Variants in POLR2F observed in about 807,000 individuals in gnomAD.
POLR2F encodes the protein DNA-directed RNA polymerases I, II, and III subunit RPABC2.
POLR2F carries 12 observed loss-of-function variants against 22.7 expected under a neutral mutation model. The observed-to-expected ratio is 0.53, with a 90% confidence interval of 0.34 to 0.86. The LOEUF (loss-of-function observed/expected upper bound fraction) is 0.86, where lower values mean the gene tolerates loss of function less well. Among genes scored for constraint, POLR2F ranks in the 40% least tolerant of loss-of-function variants. POLR2F has a pLI of 0.02. For synonymous variants in POLR2F, 57 were observed against 66.0 expected (o/e 0.86, Z 0.66); for missense variants, 126 against 171.5 (o/e 0.73, Z 1.48).
downstream of POLR2F, chr22:38,041,237 C>T (rs2085169434): frequency 1.4e-6 from 2 of 1,383,970 alleles, no homozygotes; most frequent in Non-Finnish European, 9.9e-7. Context: ...ACTGATGGAC[C>T]AGATGGCGGG....
At chr22:37,956,151 G>T (rs192810359) in intron 1 of POLR2F, among the ~76,000 whole-genome samples, 3 of 151,814 alleles carry the variant, frequency 2.0e-5, no homozygotes, top group African/African-American at 7.3e-5. Flanking sequence ...GTGCAATGGC[G>T]TGATCTCAGC....
chr22:37,983,902 G>T, upstream of POLR2F: 1 of 889,400 alleles, frequency 1.1e-6, no homozygotes, highest in Non-Finnish European at 1.5e-6. This position sits in a 1 kb window ranked among gnomAD's most constrained non-coding sequence, Gnocchi z 9.5. Context: ...GAGCGGCCGC[G>T]CGCGCAGCCC....
At chr22:37,976,622 C>T (rs1212146207) in intron 4 of POLR2F, among the ~76,000 whole-genome samples, 1 of 152,142 alleles carries the variant, frequency 6.6e-6, no homozygotes, top group African/African-American at 2.4e-5. Flanking sequence ...AAGCAGATGC[C>T]CGGGAGCCAA....
At chr22:37,964,428 A>G (rs1057301106) in intron 3 of POLR2F, among the ~76,000 whole-genome samples, 3 of 152,150 alleles carry the variant, frequency 2.0e-5, no homozygotes, top group South Asian at 2.1e-4. Context: ...GGAGAAGATG[A>G]CACTGGTCCT....
intron 4 of POLR2F, among the ~76,000 whole-genome samples, chr22:37,977,070 A>C (rs1194967270): frequency 6.6e-6 from 1 of 151,270 alleles, no homozygotes; most frequent in African/African-American, 2.4e-5. Context: ...TGGGAGGCTG[A>C]GACAGGAGAA....
downstream of POLR2F, chr22:37,972,164 G>C (rs1476479451): frequency 1.4e-5 from 11 of 789,356 alleles, no homozygotes; most frequent in Non-Finnish European, 2.1e-5. Context: ...GAAGGGGGTG[G>C]GGAAAGAGGG....
chr22:38,020,206 T>C lies in POLR2F; in HGVS notation c.121-5663T>C, dbSNP rs377514183. Reference sequence around the variant, plus strand: ...TCTGCTAAATACACACACACATATATACACACACACACACACACACACACA... The same window carrying C: ...TCTGCTAAATACACACACACATATACACACACACACACACACACACACACA... On this transcript the variant is annotated intron_variant, in intron 1 of 2. Transcript: ENST00000333418. 7.5e-3 allele frequency among the ~76,000 whole-genome samples: 1,080 copies of C among 144,806 alleles called. 4 individuals carry two copies. Among genetic ancestry groups the C allele is most frequent in the East Asian group, 0.026 (127 of 4,888 alleles). 95.0% of individuals were successfully genotyped at this position (144,806 alleles called of 152,430 possible).
chr22:38,019,535 C>T (rs11912649), intron 1 of POLR2F, among the ~76,000 whole-genome samples: 83,410 of 152,026 alleles, frequency 0.55, 23,107 homozygotes, highest in East Asian at 0.74. Context: ...CCCCCAAGCA[C>T]GCCCTGAAAA....
At chr22:37,993,939 A>G (rs1374004125) in intron 1 of POLR2F, among the ~76,000 whole-genome samples, 1 of 152,228 alleles carries the variant, frequency 6.6e-6, no homozygotes, top group Non-Finnish European at 1.5e-5. Context: ...CAGTGAGCCG[A>G]GATCGCGCCA....
downstream of POLR2F, chr22:37,970,705 T>C (rs1205769471): frequency 1.3e-5 from 2 of 156,846 alleles, no homozygotes; most frequent in Non-Finnish European, 2.8e-5. Context: ...TTTCGACCTT[T>C]ATTAGTGACT....
intron 1 of POLR2F, among the ~76,000 whole-genome samples, chr22:38,005,077 A>G (rs1269028891): frequency 6.6e-6 from 1 of 152,252 alleles, no homozygotes; most frequent in African/African-American, 2.4e-5. Context: ...TGCAGATTGT[A>G]GTTAAATCAG....
At chr22:38,024,719 G>A (rs1689722430) in intron 1 of POLR2F, among the ~76,000 whole-genome samples, 1 of 152,130 alleles carries the variant, frequency 6.6e-6, no homozygotes, top group Non-Finnish European at 1.5e-5. Context: ...CTGAGGGCAT[G>A]ATTTGAGAGT....
chr22:38,029,385 G>A (rs1278687705), downstream of POLR2F, among the ~76,000 whole-genome samples: 1 of 152,182 alleles, frequency 6.6e-6, no homozygotes, highest in Non-Finnish European at 1.5e-5. Flanking sequence ...GCACCAGCCT[G>A]AGGATAAAGC....
chr22:38,025,431 T>C (rs1265168059), intron 1 of POLR2F: 1 of 1,178,968 alleles, frequency 8.5e-7, no homozygotes, highest in African/African-American at 1.5e-5. Context: ...CAGATACACA[T>C]GTGCACACAC....
chr22:38,006,312 G>A (rs892226261), intron 1 of POLR2F, among the ~76,000 whole-genome samples: 17 of 152,212 alleles, frequency 1.1e-4, no homozygotes, highest in Admixed American at 5.9e-4. Flanking sequence ...ACCAGTGAGC[G>A]AGGCAGTGAG....
chr22:38,011,198 C>T (rs1164702808), intron 1 of POLR2F, among the ~76,000 whole-genome samples: 3 of 152,012 alleles, frequency 2.0e-5, no homozygotes, highest in Non-Finnish European at 2.9e-5. Flanking sequence ...ATCTCCCAGG[C>T]TCAAGTGATC....
At chr22:38,015,526 C>T (rs1465625479) in intron 1 of POLR2F, among the ~76,000 whole-genome samples, 1 of 152,198 alleles carries the variant, frequency 6.6e-6, no homozygotes, top group African/African-American at 2.4e-5. Context: ...CTCCCTCAAT[C>T]CCAGATTTCT....
chr22:37,959,993 G>A (rs1007147435), intron 3 of POLR2F, among the ~76,000 whole-genome samples: 4 of 151,950 alleles, frequency 2.6e-5, no homozygotes, highest in South Asian at 2.1e-4. Flanking sequence ...TAATAGAGAC[G>A]GGGTCTCGCC....
At chr22:38,024,512 G>A (rs2084989469) in intron 1 of POLR2F, among the ~76,000 whole-genome samples, 1 of 152,128 alleles carries the variant, frequency 6.6e-6, no homozygotes, top group African/African-American at 2.4e-5. Context: ...GGTTTTGTAA[G>A]CTACAGCATG....
Sources: gnomAD v4.1 joint callset for allele counts (sites outside exome capture counted in the v4.1 genomes callset) on GRCh38, gnomAD v4.1.1 for gene constraint, Gnocchi (gnomAD v3.1) non-coding constraint, MANE v1.5 for transcripts, NCBI Gene and HGNC (gene_info 2026-07-23, HGNC 2026-07-21) for gene names.